The following GABRB2 variants were observed in gnomAD, a reference collection of about 807,000 sequenced individuals.
The protein encoded by GABRB2 is gamma-aminobutyric acid type A receptor subunit beta2, also known as gamma-aminobutyric acid receptor subunit beta-2.
In GABRB2, 16 loss-of-function variants were observed where a neutral mutation model predicts 54.7. That is an observed-to-expected ratio of 0.29 (90% confidence interval 0.20 to 0.44). The LOEUF is 0.44. Ranked by LOEUF, GABRB2 falls within the 20% of genes least tolerant of loss-of-function variation. The probability of loss-of-function intolerance (pLI) is 1.00; values close to 1 mark genes in which losing one functional copy is unlikely to be tolerated. For synonymous variants in GABRB2, 244 were observed against 233.8 expected (o/e 1.04, Z -0.40); for missense variants, 355 against 644.0 (o/e 0.55, Z 4.86).
At chr5:161,411,271 T>C (rs1756509532) in intron 4 of GABRB2, among the ~76,000 whole-genome samples, 1 of 152,184 alleles carries the variant, frequency 6.6e-6, no homozygotes, top group Admixed American at 6.5e-5. Flanking sequence ...GTATGGTCCA[T>C]TATCTACTTG....
chr5:161,400,374 G>C (rs944383578), intron 5 of GABRB2, among the ~76,000 whole-genome samples: 7 of 152,148 alleles, frequency 4.6e-5, no homozygotes, highest in Non-Finnish European at 7.4e-5. Flanking sequence ...CAGGATGACG[G>C]CATTGCTGGT....
chr5:161,535,377 G>A (rs1028479450), intron 3 of GABRB2, among the ~76,000 whole-genome samples: 7 of 151,950 alleles, frequency 4.6e-5, no homozygotes, highest in African/African-American at 1.7e-4. Context: ...TTTTTTTCAA[G>A]GTGGAGTAGA....
chr5:161,326,240 C>T, intron 9 of GABRB2, 128 bp downstream of exon 9: 1 of 1,332,752 alleles, frequency 7.5e-7, no homozygotes, highest in South Asian at 1.6e-5. Flanking sequence ...TTTAACTTAT[C>T]CCCAAGACTC....
chr5:161,455,158 T>C (rs1381044839), intron 4 of GABRB2, among the ~76,000 whole-genome samples: 1 of 152,192 alleles, frequency 6.6e-6, no homozygotes, highest in African/African-American at 2.4e-5. Flanking sequence ...AAGCACAAAA[T>C]ATGAGCATGA....
At chr5:161,532,606 C>T (rs1397436579) in intron 3 of GABRB2, among the ~76,000 whole-genome samples, 2 of 152,126 alleles carry the variant, frequency 1.3e-5, no homozygotes, top group Non-Finnish European at 2.9e-5. Context: ...GAGGGTTACA[C>T]CCCTCTCATG....
rs923427743 is a variant in GABRB2, at chr5:161,463,363, A to T, written c.238-3519T>A. On this transcript the variant is annotated intron_variant, in intron 3 of 9. Coordinates refer to ENST00000393959, the MANE Select transcript of GABRB2 (RefSeq NM_001371727.1). Reference sequence around the variant, plus strand: ...CACACACACACCTGCAGCCAAAAGTATAAAGACCTCAATAAACAGAGAGAG... The same window carrying T: ...CACACACACACCTGCAGCCAAAAGTTTAAAGACCTCAATAAACAGAGAGAG... Among the ~76,000 whole-genome samples the T allele has an allele frequency of 4.0e-5, 6 of 150,128 alleles. No individual in the cohort carries two copies. In the Admixed American group the frequency reaches 4.0e-4, roughly 10 times the overall value.
At chr5:161,422,550 A>G (rs1400305923) in intron 4 of GABRB2, among the ~76,000 whole-genome samples, 1 of 152,184 alleles carries the variant, frequency 6.6e-6, no homozygotes, top group African/African-American at 2.4e-5. Context: ...AAGTGTACAA[A>G]TGACTAAAAT....
chr5:161,365,830 T>C (rs1156757109), intron 5 of GABRB2, among the ~76,000 whole-genome samples: 1 of 152,146 alleles, frequency 6.6e-6, no homozygotes, highest in East Asian at 1.9e-4. Context: ...TAGACAGCAG[T>C]GTAATGAAGA....
chr5:161,340,869 A>G (rs1305474521), intron 5 of GABRB2, among the ~76,000 whole-genome samples: 1 of 152,042 alleles, frequency 6.6e-6, no homozygotes, highest in Admixed American at 6.6e-5. Flanking sequence ...GAACTCTCCA[A>G]CGTTCTGGAA....
At chr5:161,513,401 T>C (rs1365659772) in intron 3 of GABRB2, among the ~76,000 whole-genome samples, 1 of 152,000 alleles carries the variant, frequency 6.6e-6, no homozygotes, top group Non-Finnish European at 1.5e-5. Flanking sequence ...CAACAGCGGA[T>C]TCATAAAGAA....
At chr5:161,545,594 T>C (rs1215268195) in intron 2 of GABRB2, among the ~76,000 whole-genome samples, 1 of 152,126 alleles carries the variant, frequency 6.6e-6, no homozygotes, top group East Asian at 1.9e-4. Flanking sequence ...AGCACAAGAA[T>C]CCTTCTAGTC....
chr5:161,482,708 A>G (rs1758799577), intron 3 of GABRB2, among the ~76,000 whole-genome samples: 1 of 152,142 alleles, frequency 6.6e-6, no homozygotes, highest in Admixed American at 6.6e-5. Flanking sequence ...GTACAAGCCC[A>G]TAGATGAAGT....
intron 3 of GABRB2, among the ~76,000 whole-genome samples, chr5:161,539,939 G>A (rs1276706313): frequency 6.6e-6 from 1 of 152,170 alleles, no homozygotes; most frequent in African/African-American, 2.4e-5. Context: ...GAGCCTTCAC[G>A]GAGTAGTAAT....
At chr5:161,347,534 C>A (rs1165842434) in intron 5 of GABRB2, among the ~76,000 whole-genome samples, 4 of 152,026 alleles carry the variant, frequency 2.6e-5, no homozygotes, top group Non-Finnish European at 5.9e-5. Context: ...AAAACAGTAT[C>A]CTTGGGCCAG....
chr5:161,525,877 C>G (rs866460088), intron 3 of GABRB2, among the ~76,000 whole-genome samples: 1 of 151,172 alleles, frequency 6.6e-6, no homozygotes, highest in Non-Finnish European at 1.5e-5. Context: ...AAATTTCATA[C>G]CCAAATTTAT....
In GABRB2 at chr5:161,466,712, C is replaced by T. The variant is rs1758288985; in HGVS notation, c.238-6868G>A. Among the ~76,000 whole-genome samples, 3 of 152,120 alleles carry T rather than the reference C, an allele frequency of 2.0e-5. No homozygotes were observed. In the South Asian group the frequency reaches 6.2e-4, roughly 32 times the overall value. ...CCCCTTGTCTCAAGCCTGCAGGTTG[C>T]ATGTGAGTGGCCTCTATCCCCACCT... On this transcript the variant is annotated intron_variant, in intron 3 of 9. Transcript: ENST00000393959.
At chr5:161,471,398 T>C (rs900252430) in intron 3 of GABRB2, among the ~76,000 whole-genome samples, 1 of 151,944 alleles carries the variant, frequency 6.6e-6, no homozygotes, top group African/African-American at 2.4e-5. Flanking sequence ...TCCCCCTTAA[T>C]AGAAGGCATC....
At chr5:161,330,120 T>C (rs1753788379) in intron 8 of GABRB2, 1 of 152,168 alleles carries the variant, frequency 6.6e-6, no homozygotes, top group Admixed American at 6.5e-5. Flanking sequence ...TTTTAATCTG[T>C]TCAGGTCATT....
intron 3 of GABRB2, among the ~76,000 whole-genome samples, chr5:161,513,243 C>T (rs35837006): frequency 0.073 from 11,062 of 151,754 alleles, 639 homozygotes; most frequent in East Asian, 0.19. Flanking sequence ...AAAATAATAA[C>T]AGAACTACCA....
Sources: allele counts gnomAD v4.1 joint callset (sites outside exome capture counted in the v4.1 genomes callset), GRCh38; gene constraint gnomAD v4.1.1; transcripts MANE v1.5; gene names NCBI Gene and HGNC (gene_info 2026-07-23, HGNC 2026-07-21).